The following MTCL2 variants were observed in gnomAD, a reference collection of about 807,000 sequenced individuals.
MTCL2 encodes the protein microtubule crosslinking factor 2.
At chr20:36,816,183 C>T in the MTCL2 span, 4 of 1,613,524 alleles carry the variant, frequency 2.5e-6, no homozygotes, top group African/African-American at 4.0e-5. Flanking sequence ...ATAGAGCGAG[C>T]GGTACTTCAG....
At chr20:36,816,126 G>C in the MTCL2 span, 3 of 1,613,666 alleles carry the variant, frequency 1.9e-6, no homozygotes, top group South Asian at 3.3e-5. Flanking sequence ...CCGCGAGTGG[G>C]GGGCATCGGC....
the MTCL2 span, chr20:36,815,047 G>T: frequency 1.4e-6 from 2 of 1,389,430 alleles, no homozygotes; most frequent in South Asian, 1.4e-5. This position sits in a 1 kb window ranked among gnomAD's most constrained non-coding sequence, Gnocchi z 5.3. Context: ...GGCCAGCGGG[G>T]AGAGACCCTA....
the MTCL2 span, chr20:36,781,861 GTCTCAT>G: frequency 6.6e-6 from 1 of 151,962 alleles, no homozygotes; most frequent in African/African-American, 2.4e-5. Context: ...TTTGAGACAA[GTCTCAT>G]TCCGTTGCCC....
chr20:36,815,288 G>A, the MTCL2 span: 2 of 1,613,976 alleles, frequency 1.2e-6, no homozygotes, highest in East Asian at 2.2e-5. The surrounding 1 kb of genome is among the most constrained non-coding windows in gnomAD (Gnocchi z 5.3). Flanking sequence ...GCTGCAGCAC[G>A]CTCAGGCGCA....
chr20:36,837,586 TA>T, the MTCL2 span, among the ~76,000 whole-genome samples: 2 of 147,102 alleles, frequency 1.4e-5, no homozygotes, highest in African/African-American at 4.9e-5. Context: ...TTATTATTAT[TA>T]TTATTTTTGA....
chr20:36,803,780 G>GC, the MTCL2 span, among the ~76,000 whole-genome samples: 1 of 151,696 alleles, frequency 6.6e-6, no homozygotes, highest in Non-Finnish European at 1.5e-5. Flanking sequence ...ACATGGTGCA[G>GC]CCCCATCTCT....
At chr20:36,863,066 G>A in the MTCL2 span, 2 of 1,404,836 alleles carry the variant, frequency 1.4e-6, no homozygotes, top group Non-Finnish European at 1.9e-6. The surrounding 1 kb of genome is among the most constrained non-coding windows in gnomAD (Gnocchi z 6.2). Flanking sequence ...CACGGACCCC[G>A]GTGCGGACCC....
At chr20:36,800,149 C>T in the MTCL2 span, among the ~76,000 whole-genome samples, 6 of 152,166 alleles carry the variant, frequency 3.9e-5, no homozygotes, top group African/African-American at 1.2e-4. Context: ...GCTAGAGGGC[C>T]GGCAAGTCTC....
At chr20:36,784,219 C>T in the MTCL2 span, 1 of 986,146 alleles carries the variant, frequency 1.0e-6, no homozygotes, top group Non-Finnish European at 1.2e-6. Context: ...TTGGAGGGCC[C>T]CCCTGACCTC....
At chr20:36,785,911 T>C in the MTCL2 span, 1 of 986,648 alleles carries the variant, frequency 1.0e-6, no homozygotes, top group Non-Finnish European at 1.2e-6. Flanking sequence ...CTCCCTAGTG[T>C]CCCAGCAATC....
chr20:36,814,759 CG>C, the MTCL2 span, among the ~76,000 whole-genome samples: 30 of 152,188 alleles, frequency 2.0e-4, no homozygotes, highest in African/African-American at 5.8e-4. Flanking sequence ...TGATGGAGGG[CG>C]CCTGTAATCC....
At chr20:36,861,087 G>C in the MTCL2 span, among the ~76,000 whole-genome samples, 1 of 152,190 alleles carries the variant, frequency 6.6e-6, no homozygotes, top group African/African-American at 2.4e-5. Flanking sequence ...TCACCAGAGT[G>C]AGTAGCAGGA....
chr20:36,845,010 CAAA>C, the MTCL2 span, among the ~76,000 whole-genome samples: 10 of 127,064 alleles, frequency 7.9e-5, no homozygotes, highest in Admixed American at 2.4e-4. Flanking sequence ...GATTCTGTCT[CAAA>C]AAAAAAAAAA....
At chr20:36,778,054 T>C in the MTCL2 span, 5 of 454,328 alleles carry the variant, frequency 1.1e-5, no homozygotes, top group African/African-American at 2.1e-5. Context: ...ACCCCCTCCC[T>C]GGCTGGCACC....
the MTCL2 span, among the ~76,000 whole-genome samples, chr20:36,835,719 G>T: frequency 6.6e-6 from 1 of 152,190 alleles, no homozygotes; most frequent in Non-Finnish European, 1.5e-5. Context: ...CAGCGCTCCA[G>T]CTGCAGCGTG....
the MTCL2 span, among the ~76,000 whole-genome samples, chr20:36,811,599 C>T: frequency 6.7e-6 from 1 of 150,190 alleles, no homozygotes; most frequent in African/African-American, 2.5e-5. Context: ...TACTGCACTC[C>T]AGACTGGGCA....
chr20:36,817,747 T>C, the MTCL2 span, among the ~76,000 whole-genome samples: 1 of 152,328 alleles, frequency 6.6e-6, no homozygotes, highest in East Asian at 1.9e-4. Context: ...GTGACCCAGT[T>C]GGCCTCGGCG....
the MTCL2 span, among the ~76,000 whole-genome samples, chr20:36,802,319 G>A: frequency 6.6e-6 from 1 of 152,004 alleles, no homozygotes; most frequent in Non-Finnish European, 1.5e-5. Flanking sequence ...TGAAAGAAAG[G>A]GAAAAGTCAA....
At chr20:36,808,794 A>C in the MTCL2 span, 2 of 1,485,930 alleles carry the variant, frequency 1.3e-6, no homozygotes, top group Non-Finnish European at 1.8e-6. Context: ...CCTCTCCCCC[A>C]CCCCTTTCTG....
Sources: gnomAD v4.1 joint callset for allele counts (sites outside exome capture counted in the v4.1 genomes callset) on GRCh38, gnomAD v4.1.1 for gene constraint, Gnocchi (gnomAD v3.1) non-coding constraint, MANE v1.5 for transcripts, NCBI Gene and HGNC (gene_info 2026-07-23, HGNC 2026-07-21) for gene names.